FNDC1: variants seen among roughly 807,000 people sequenced by gnomAD.
FNDC1 encodes fibronectin type III domain-containing protein 1.
In FNDC1, 96 loss-of-function variants were observed where a neutral mutation model predicts 168.0. The ratio of observed to expected loss-of-function variants is 0.57; its 90% CI spans 0.48 to 0.68. The LOEUF is 0.68. FNDC1 is among the 30% of genes least tolerant of loss of function. FNDC1 has a pLI of 0.00. For missense variants in FNDC1, 2,587 were observed against 2,482.1 expected (o/e 1.04, Z -0.90); for synonymous variants, 1,099 against 1,025.9 (o/e 1.07, Z -1.36).
intron 1 of FNDC1, among the ~76,000 whole-genome samples, chr6:159,193,479 G>C (rs896781028): frequency 1.3e-5 from 2 of 152,070 alleles, no homozygotes; most frequent in Non-Finnish European, 2.9e-5. Flanking sequence ...CCATTTAAGT[G>C]AGCACCAAGT....
chr6:159,210,847 A>T (rs768858374), intron 4 of FNDC1, among the ~76,000 whole-genome samples: 36 of 152,110 alleles, frequency 2.4e-4, no homozygotes, highest in Non-Finnish European at 5.0e-4. Context: ...CCGGACACAC[A>T]TTCTCACCCC....
intron 1 of FNDC1, among the ~76,000 whole-genome samples, chr6:159,179,193 T>C (rs1244707479): frequency 1.3e-5 from 2 of 152,224 alleles, no homozygotes; most frequent in Non-Finnish European, 2.9e-5. Flanking sequence ...GTGCAGTGGC[T>C]CATGTCTATA....
chr6:159,234,345 G>C lies in FNDC1; in HGVS notation c.3833G>C (p.Trp1278Ser). The part of the protein sequence containing the change: ...TVSPVAGTHP[W>S]PQYTTRAPPG... ...AGCCCCGTCGCGGGCACCCACCCCTGGCCGCAGTACACCACGCGCGCCCCA... is the reference window on the plus strand; with the variant it reads ...AGCCCCGTCGCGGGCACCCACCCCTCGCCGCAGTACACCACGCGCGCCCCA... The change falls in exon 11 of 23, where the codon TGG (tryptophan) becomes TCG (serine). Residue 1278 changes from tryptophan (W) to serine (S), a missense_variant. Coordinates refer to ENST00000297267, the MANE Select transcript of FNDC1 (RefSeq NM_032532.3). 6.2e-7 allele frequency: 1 copy of C among 1,611,428 alleles called. No individual in the cohort carries two copies. Among genetic ancestry groups the C allele is most frequent in the Middle Eastern group, 1.7e-4 (1 of 6,058 alleles).
intron 18 of FNDC1, among the ~76,000 whole-genome samples, chr6:159,260,449 C>T (rs118012993): frequency 0.016 from 2,486 of 152,288 alleles, 26 homozygotes; most frequent in South Asian, 0.029. Context: ...CAAAATTTAG[C>T]CCTACAGAAA....
chr6:159,187,043 G>A (rs1259555332), intron 1 of FNDC1, among the ~76,000 whole-genome samples: 1 of 152,204 alleles, frequency 6.6e-6, no homozygotes, highest in Admixed American at 6.5e-5. Flanking sequence ...GGTGGCTGGA[G>A]AGGTGAGCCC....
rs117905403 is a variant in FNDC1 at position 159,199,113 on chromosome 6, G to A, written c.305-883G>A. On this transcript the variant is annotated intron_variant, in intron 2 of 22. Transcript: ENST00000297267. ...ACTAACCCTCACCTCTCCAGCTCTCGTCCCCTGAAATACCCACAGACTTTC... is the reference window on the plus strand; with the variant it reads ...ACTAACCCTCACCTCTCCAGCTCTCATCCCCTGAAATACCCACAGACTTTC... Among the ~76,000 whole-genome samples the A allele has an allele frequency of 1.6e-3, 239 of 152,264 alleles. 1 individual carries two copies. The highest frequency in any genetic ancestry group is 1.6e-3 in the Non-Finnish European group (108 of 68,032).
intron 5 of FNDC1, among the ~76,000 whole-genome samples, chr6:159,218,066 G>A (rs1466589194): frequency 6.6e-6 from 1 of 152,248 alleles, no homozygotes; most frequent in African/African-American, 2.4e-5. Flanking sequence ...CATCTCCGCT[G>A]TTGCAGGGGA....
At chr6:159,244,734 GT>G (rs1294809090) in intron 14 of FNDC1, among the ~76,000 whole-genome samples, 6 of 152,164 alleles carry the variant, frequency 3.9e-5, no homozygotes, top group Non-Finnish European at 5.9e-5. Flanking sequence ...AGTGGGGGCA[GT>G]TTTATGTAGT....
intron 18 of FNDC1, among the ~76,000 whole-genome samples, chr6:159,260,311 T>G (rs1777457224): frequency 6.6e-6 from 1 of 152,240 alleles, no homozygotes; most frequent in African/African-American, 2.4e-5. Flanking sequence ...TCTTTATTAC[T>G]TCTCTAACCA....
intron 1 of FNDC1, among the ~76,000 whole-genome samples, chr6:159,185,636 G>C (rs1235524820): frequency 6.6e-6 from 1 of 152,174 alleles, no homozygotes; most frequent in Non-Finnish European, 1.5e-5. Flanking sequence ...TGCATCACCA[G>C]GTATCATGTT....
chr6:159,169,745 C>A lies in FNDC1; in HGVS notation c.109+40C>A. ...CGGGCCCCCGGCGCTCCTCAGCTCC[C>A]CGCGCACCCTCCTGCGCTCGGGCCC... On this transcript the variant is annotated intron_variant, in intron 1 of 22. Transcript: ENST00000297267. This position sits in a 1 kb window ranked among gnomAD's most constrained non-coding sequence, Gnocchi z 6.8. 2 of 843,816 alleles carry A rather than the reference C, an allele frequency of 2.4e-6. No homozygotes were observed. The highest frequency in any genetic ancestry group is 1.2e-4 in the South Asian group (2 of 17,202). 52.3% of individuals were successfully genotyped at this position (843,816 alleles called of 1,614,324 possible).
At chr6:159,271,281 G>T (rs773441577) in intron 22 of FNDC1, 46 bp from the exon 23 acceptor site, 2 of 1,383,150 alleles carry the variant, frequency 1.4e-6, no homozygotes, top group Non-Finnish European at 1.0e-6. Context: ...CTACCTGTTG[G>T]TTCAGGGGCC....
In FNDC1 at chr6:159,233,133, G is replaced by GTATC; in HGVS notation, c.2622_2625dup (p.His876TyrfsTer8). ...GATTCCCACCCTAAGCTTAGCTCAG[G>GTATC]TATCCATGGAGACGAGGAGGATGAG... On this transcript the variant is annotated frameshift_variant, in exon 11 of 23. Coordinates refer to ENST00000297267, the MANE Select transcript of FNDC1 (RefSeq NM_032532.3). LOFTEE classifies it high-confidence loss of function. This position sits in a 1 kb window ranked among gnomAD's most constrained non-coding sequence, Gnocchi z 4.6. 2 of 1,605,072 alleles carry GTATC rather than the reference G, an allele frequency of 1.2e-6. No homozygotes were observed. Among genetic ancestry groups the GTATC allele is most frequent in the Non-Finnish European group, 1.7e-6 (2 of 1,176,074 alleles).
rs973545518 is a variant in FNDC1 at position 159,221,497 on chromosome 6, G to T, written c.668-101G>T. On this transcript the variant is annotated intron_variant, in intron 5 of 22. Coordinates refer to ENST00000297267, the MANE Select transcript of FNDC1 (RefSeq NM_032532.3). Reference sequence around the variant, plus strand: ...CCCAGAAAGAGGAAACGGAAAAAGGGGAAGGGGAGGAGGAATGCAGAACCC... The same window carrying T: ...CCCAGAAAGAGGAAACGGAAAAAGGTGAAGGGGAGGAGGAATGCAGAACCC... 1.9e-5 allele frequency: 17 copies of T among 884,890 alleles called. No individual in the cohort carries two copies. In the Middle Eastern group the frequency reaches 8.4e-4, roughly 44 times the overall value. 54.8% of individuals were successfully genotyped at this position (884,890 alleles called of 1,614,324 possible).
At chr6:159,197,732 C>T (rs989029618) in intron 2 of FNDC1, 107 bp downstream of exon 2, 2 of 1,005,298 alleles carry the variant, frequency 2.0e-6, no homozygotes, top group Non-Finnish European at 1.4e-6. Context: ...GGCTCAAGGT[C>T]CCTTACGGTT....
At chr6:159,239,982 A>C in intron 14 of FNDC1, 25 bp downstream of exon 14, 1 of 1,459,268 alleles carries the variant, frequency 6.9e-7, no homozygotes, top group Non-Finnish European at 9.1e-7. Flanking sequence ...TCTAATGCTA[A>C]CTACTTACCA....
Position 159,232,920 on chromosome 6 carries a change from C to A in FNDC1, c.2408C>A (p.Ala803Asp), listed in dbSNP as rs750890416. The A allele has an allele frequency of 1.2e-6, 2 of 1,611,586 alleles. No homozygotes were observed. Among genetic ancestry groups the A allele is most frequent in the Non-Finnish European group, 1.7e-6 (2 of 1,179,648 alleles). The change falls in exon 11 of 23, where the codon GCC becomes GAC. Residue 803 changes from alanine (A) to aspartate (D), a missense_variant. Coordinates refer to ENST00000297267, the MANE Select transcript of FNDC1 (RefSeq NM_032532.3). The surrounding 1 kb of genome is among the most constrained non-coding windows in gnomAD (Gnocchi z 4.9). ...DREDGGRQAE[A>D]TAQTLRARPA... is the part of the protein sequence containing the mutation. Reference sequence around the variant, plus strand: ...GAAGACGGCGGAAGGCAGGCGGAGGCCACGGCCCAGACGCTGCGGGCCCGG... The same window carrying A: ...GAAGACGGCGGAAGGCAGGCGGAGGACACGGCCCAGACGCTGCGGGCCCGG...
At chr6:159,256,045 C>T (rs997587145) in intron 17 of FNDC1, among the ~76,000 whole-genome samples, 9 of 152,222 alleles carry the variant, frequency 5.9e-5, no homozygotes, top group Non-Finnish European at 1.3e-4. Context: ...CAGCCTTCAC[C>T]AAGTGGGCAT....
chr6:159,248,125 G>C (rs1777174432), intron 15 of FNDC1, among the ~76,000 whole-genome samples: 1 of 152,196 alleles, frequency 6.6e-6, no homozygotes, highest in Non-Finnish European at 1.5e-5. Context: ...AAAAACAGCA[G>C]ATGTTAGAAA....
Sources: gnomAD v4.1 joint callset for allele counts (sites outside exome capture counted in the v4.1 genomes callset) on GRCh38, gnomAD v4.1.1 for gene constraint, Gnocchi (gnomAD v3.1) non-coding constraint, MANE v1.5 for transcripts, NCBI Gene and HGNC (gene_info 2026-07-23, HGNC 2026-07-21) for gene names.